Variants in KCNN1 observed in about 807,000 individuals in gnomAD.
KCNN1 encodes potassium calcium-activated channel subfamily N member 1.
Under a neutral mutation model 44.7 loss-of-function variants are expected in KCNN1, and 20 were observed. That is an observed-to-expected ratio of 0.45 (90% CI 0.32 to 0.65). The LOEUF is 0.65. Among genes scored for constraint, KCNN1 ranks in the 30% least tolerant of loss-of-function variants. The pLI, the probability that KCNN1 is intolerant of heterozygous loss-of-function variation, is 0.05. For missense variants in KCNN1, 632 were observed against 785.3 expected (o/e 0.80, Z 2.33); for synonymous variants, 324 against 341.7 (o/e 0.95, Z 0.57).
chr19:17,958,343 G>A (rs1261382768), intron 2 of KCNN1, among the ~76,000 whole-genome samples: 22 of 151,974 alleles, frequency 1.4e-4, no homozygotes, highest in Non-Finnish European at 2.9e-5. Context: ...AGCTAGGCAT[G>A]GTAGCACACA....
Position 17,999,852 on chromosome 19 carries a change from AC to A in KCNN1, c.*1448del. The stretch of plus-strand genomic sequence containing the variant: ...CTAGGCCGTGGCTGGTGCATGAATG[AC>A]CAGCTTGGGCCCACGCACGAGAAGG... On this transcript the variant is annotated 3_prime_UTR_variant, in exon 10 of 10. Coordinates refer to ENST00000684775, the MANE Select transcript of KCNN1 (RefSeq NM_001386974.1). 2.5e-6 allele frequency: 1 copy of A among 400,162 alleles called. No homozygotes were observed. Among genetic ancestry groups the A allele is most frequent in the South Asian group, 1.7e-5 (1 of 57,920 alleles). The allele number at this position is 400,162 out of a possible 1,614,324, so 24.8% of individuals were successfully genotyped here.
intron 1 of KCNN1, among the ~76,000 whole-genome samples, chr19:17,968,595 C>T (rs2031903697): frequency 6.6e-6 from 1 of 152,112 alleles, no homozygotes; most frequent in Non-Finnish European, 1.5e-5. Context: ...GGGATTCTGT[C>T]TCTTCCCATG....
chr19:17,975,054 T>G, intron 2 of KCNN1, 38 bp from the exon 3 acceptor site: 1 of 1,562,120 alleles, frequency 6.4e-7, no homozygotes, highest in Non-Finnish European at 8.8e-7. Context: ...GCCCACCGCC[T>G]CCAGCGTCCA....
At chr19:17,961,416 T>A (rs144644212) in intron 2 of KCNN1, among the ~76,000 whole-genome samples, 158 of 151,838 alleles carry the variant, frequency 1.0e-3, no homozygotes, top group African/African-American at 3.5e-3. Context: ...GTCTCTACAT[T>A]TAAAAACAAA....
intron 3 of KCNN1, 29 bp from the exon 4 acceptor site, chr19:17,981,680 C>G (rs1464127309): frequency 6.5e-7 from 1 of 1,547,812 alleles, no homozygotes; most frequent in Non-Finnish European, 8.8e-7. Flanking sequence ...GTCTGACACC[C>G]ATGGCTGGTT....
At position 17,995,485 on chromosome 19, in the gene KCNN1, A is replaced by G. The variant is rs573474270; in HGVS notation, c.1377+1926A>G. 7.9e-5 allele frequency among the ~76,000 whole-genome samples: 12 copies of G among 151,758 alleles called. 1 individual carries two copies. In the South Asian group the frequency reaches 2.5e-3, roughly 32 times the overall value. On this transcript the variant is annotated intron_variant, in intron 9 of 9. Coordinates refer to ENST00000684775, the MANE Select transcript of KCNN1 (RefSeq NM_001386974.1). ...CACCGCACCCAGAAAAGAATCTTAC[A>G]GAGAGAAAAACATATTCTAGACCCC... is the stretch of plus-strand genomic sequence containing the variant.
At chr19:17,987,983 A>AACAC (rs34814590) in intron 5 of KCNN1, among the ~76,000 whole-genome samples, 43 of 148,098 alleles carry the variant, frequency 2.9e-4, no homozygotes, top group African/African-American at 7.7e-4. Context: ...TTACTAAACA[A>AACAC]ACACACACAC....
intron 4 of KCNN1, among the ~76,000 whole-genome samples, chr19:17,984,434 C>T (rs2145952687): frequency 6.6e-6 from 1 of 152,248 alleles, no homozygotes. Flanking sequence ...TGGCCTCTGA[C>T]CTTGAACACC....
upstream of KCNN1, among the ~76,000 whole-genome samples, chr19:17,964,982 C>A (rs114821256): frequency 6.9e-3 from 1,043 of 152,186 alleles, 5 homozygotes; most frequent in African/African-American, 0.021. This position sits in a 1 kb window ranked among gnomAD's most constrained non-coding sequence, Gnocchi z 4.3. Flanking sequence ...GACTTGAATT[C>A]AAAAAGCATC....
chr19:17,953,036 GC>G (rs1008359788), intron 1 of KCNN1, among the ~76,000 whole-genome samples: 20 of 152,162 alleles, frequency 1.3e-4, no homozygotes, highest in African/African-American at 4.8e-4. Context: ...GGTTGCCAGG[GC>G]CCCAGAACTG....
chr19:17,981,689 T>A lies in KCNN1; in HGVS notation c.499-20T>A. 2 of 1,550,968 alleles carry A rather than the reference T, an allele frequency of 1.3e-6. No homozygotes were observed. The highest frequency in any genetic ancestry group is 1.8e-6 in the Non-Finnish European group (2 of 1,141,750). On this transcript the variant is annotated intron_variant, in intron 3 of 9. Coordinates refer to ENST00000684775, the MANE Select transcript of KCNN1 (RefSeq NM_001386974.1). ...GCGCGTGTCTGACACCCATGGCTGG[T>A]TCCCTCCCGCCCTCCACAGCTGTTC...
At position 17,993,432 on chromosome 19, in the gene KCNN1, C is replaced by G; in HGVS notation, c.1308-58C>G. 7.6e-7 allele frequency: 1 copy of G among 1,309,548 alleles called. No individual in the cohort carries two copies. The allele number at this position is 1,309,548 out of a possible 1,614,324, so 81.1% of individuals were successfully genotyped here. On this transcript the variant is annotated intron_variant, in intron 8 of 9. Coordinates refer to ENST00000684775, the MANE Select transcript of KCNN1 (RefSeq NM_001386974.1). The surrounding 1 kb of genome is among the most constrained non-coding windows in gnomAD (Gnocchi z 4.5). ...GTGGGTGCATGAAAGTCCCTGCCCC[C>G]ACTGCAGCCTCCACGGGAACCTGCC...
chr19:17,958,480 CTTTTTTTTTTTT>C (rs71164331), intron 2 of KCNN1, among the ~76,000 whole-genome samples: 93 of 99,566 alleles, frequency 9.3e-4, no homozygotes, highest in Non-Finnish European at 1.5e-3. Context: ...GACCCTGTCT[CTTTTTTTTTTTT>C]TTTTTTTTTT....
chr19:17,990,153 T>G, intron 7 of KCNN1: 1 of 515,934 alleles, frequency 1.9e-6, no homozygotes, highest in Non-Finnish European at 3.7e-6. Flanking sequence ...AGGAGGCTCA[T>G]AGTTAAATCC....
chr19:17,996,182 A>G lies in KCNN1; in HGVS notation c.1378-1970A>G, dbSNP rs567213943. Among the ~76,000 whole-genome samples the G allele has an allele frequency of 2.2e-3, 334 of 149,500 alleles. 2 individuals are homozygous for G. The highest frequency in any genetic ancestry group is 7.7e-3 in the African/African-American group (317 of 40,952). On this transcript the variant is annotated intron_variant, in intron 9 of 9. Coordinates refer to ENST00000684775, the MANE Select transcript of KCNN1 (RefSeq NM_001386974.1). ...CCATTGCTACAAAAAAAAAAAAAAA[A>G]AAATAGAAAAATTAGCAGGAGGCTG...
chr19:17,961,056 C>T (rs1365638697), intron 2 of KCNN1, among the ~76,000 whole-genome samples: 7 of 151,332 alleles, frequency 4.6e-5, no homozygotes, highest in Admixed American at 4.6e-4. Context: ...TGTGGTGGTG[C>T]GCGTCTGTAA....
intron 9 of KCNN1, among the ~76,000 whole-genome samples, chr19:17,996,514 G>A (rs987846444): frequency 6.6e-6 from 1 of 152,214 alleles, no homozygotes; most frequent in Non-Finnish European, 1.5e-5. Context: ...GCTGAGGCAG[G>A]AGAGTCGCTT....
At chr19:17,984,129 C>G (rs1273425009) in intron 4 of KCNN1, among the ~76,000 whole-genome samples, 1 of 151,530 alleles carries the variant, frequency 6.6e-6, no homozygotes, top group African/African-American at 2.4e-5. Flanking sequence ...TGCCACTACA[C>G]TCCAGCCTGG....
chr19:17,980,236 T>A (rs1195321132), intron 3 of KCNN1, among the ~76,000 whole-genome samples: 3 of 123,848 alleles, frequency 2.4e-5, no homozygotes, highest in African/African-American at 9.1e-5. Context: ...TAATTTTTTT[T>A]TTTTTTTTTT....
Sources: gnomAD v4.1 joint callset for allele counts (sites outside exome capture counted in the v4.1 genomes callset) on GRCh38, gnomAD v4.1.1 for gene constraint, Gnocchi (gnomAD v3.1) non-coding constraint, MANE v1.5 for transcripts, NCBI Gene and HGNC (gene_info 2026-07-23, HGNC 2026-07-21) for gene names.